The following NUP98 variants were observed in gnomAD, a reference collection of about 807,000 sequenced individuals.
The protein encoded by NUP98 is nucleoporin 98 and 96 precursor.
A neutral mutation model predicts 191.9 loss-of-function variants in NUP98; 26 were observed. That is an observed-to-expected ratio of 0.14 (90% CI 0.10 to 0.19). The LOEUF is 0.19. Ranked by LOEUF, NUP98 falls within the 10% of genes least tolerant of loss-of-function variation. NUP98 has a pLI of 1.00. For synonymous variants in NUP98, 808 were observed against 778.4 expected (o/e 1.04, Z -0.63); for missense variants, 1,941 against 2,178.8 (o/e 0.89, Z 2.17).
intron 28 of NUP98, among the ~76,000 whole-genome samples, chr11:3,686,918 C>G (rs963766103): frequency 5.9e-5 from 9 of 151,992 alleles, no homozygotes; most frequent in African/African-American, 2.2e-4. Context: ...ACCCAGGAGG[C>G]GGAGGTTGTG....
At chr11:3,692,975 G>C in intron 27 of NUP98, 1 of 371,056 alleles carries the variant, frequency 2.7e-6, no homozygotes, top group Non-Finnish European at 4.8e-6. Context: ...CTGTATAACA[G>C]GGAATTCCCA....
At chr11:3,739,527 G>C (rs1176365468) in intron 12 of NUP98, among the ~76,000 whole-genome samples, 1 of 152,124 alleles carries the variant, frequency 6.6e-6, no homozygotes, top group Non-Finnish European at 1.5e-5. Flanking sequence ...GATTACAGGC[G>C]TGAGGCACCG....
intron 1 of NUP98, among the ~76,000 whole-genome samples, chr11:3,793,273 G>A (rs537556109): frequency 2.2e-4 from 34 of 152,186 alleles, no homozygotes; most frequent in African/African-American, 6.5e-4. Flanking sequence ...ATGTCAGAAT[G>A]CAAAGACTGG....
chr11:3,794,946 T>C (rs2082478558), intron 1 of NUP98, among the ~76,000 whole-genome samples: 1 of 152,198 alleles, frequency 6.6e-6, no homozygotes, highest in Admixed American at 6.6e-5. Context: ...GTTTCTTAGT[T>C]CCCTAACCTT....
In NUP98 at chr11:3,702,886, C is replaced by A. The variant is rs753138279; in HGVS notation, c.3089G>T (p.Gly1030Val). Residue 1030 changes from glycine to valine, a missense_variant, in exon 23 of 33, where the codon GGG becomes GTG. Around this residue, in one of 6 missense-constraint regions of NUP98, gnomAD observed 1,030 missense variants for 1,115.8 expected, o/e 0.92. Coordinates refer to ENST00000324932, the MANE Select transcript of NUP98 (RefSeq NM_016320.5). Reference protein sequence around the residue: ...HSSKTRSLVGGLLQSKFTSGA... With the variant: ...HSSKTRSLVGVLLQSKFTSGA... ...ACTTGTAAATTTTGATTGTAGTAAC[C>A]CACCAACTGAAATGAAGCGGGAATG... The A allele has an allele frequency of 1.9e-6, 3 of 1,603,510 alleles. No individual in the cohort carries two copies. The Admixed American group carries it at 5.1e-5, about 27-fold the overall frequency.
chr11:3,794,275 A>T (rs2082454011), intron 1 of NUP98, among the ~76,000 whole-genome samples: 1 of 152,190 alleles, frequency 6.6e-6, no homozygotes, highest in South Asian at 2.1e-4. Context: ...CCAAGTTCTC[A>T]GGAAATGTTT....
intron 7 of NUP98, among the ~76,000 whole-genome samples, chr11:3,771,537 T>C (rs2081532091): frequency 6.6e-6 from 1 of 152,184 alleles, no homozygotes; most frequent in East Asian, 1.9e-4. Context: ...TGCTCAAACA[T>C]CACCTTCTCC....
At position 3,700,596 on chromosome 11, in the gene NUP98, T is replaced by C. The variant is rs767970809; in HGVS notation, c.3742+14A>G. On this transcript the variant is annotated intron_variant, in intron 24 of 32. Coordinates refer to ENST00000324932, the MANE Select transcript of NUP98 (RefSeq NM_016320.5). ...ATTGGGACATCAAACATTAGAAACA[T>C]AGTGTGTACTCACTTTGTGCTTCTG... 1 of 1,539,608 alleles carries C rather than the reference T, an allele frequency of 6.5e-7. No individual in the cohort carries two copies.
chr11:3,703,241 G>A (rs1441206543), intron 22 of NUP98, among the ~76,000 whole-genome samples: 1 of 142,752 alleles, frequency 7.0e-6, no homozygotes, highest in Non-Finnish European at 1.5e-5. Context: ...TTTGGAGACA[G>A]AGTCTCGCCC....
intron 1 of NUP98, among the ~76,000 whole-genome samples, chr11:3,791,249 C>G (rs1323242353): frequency 6.6e-6 from 1 of 151,964 alleles, no homozygotes; most frequent in Non-Finnish European, 1.5e-5. Flanking sequence ...AGATTTGGTA[C>G]TGGCTGGGCA....
chr11:3,789,326 A>G (rs1481136371), intron 1 of NUP98, among the ~76,000 whole-genome samples: 1 of 152,190 alleles, frequency 6.6e-6, no homozygotes, highest in Non-Finnish European at 1.5e-5. Context: ...AGTGTCATCC[A>G]CTGATCACTC....
At chr11:3,730,524 C>A in intron 14 of NUP98, among the ~76,000 whole-genome samples, 1 of 151,874 alleles carries the variant, frequency 6.6e-6, no homozygotes, top group Non-Finnish European at 1.5e-5. Context: ...GCAGCCATGC[C>A]CAGCTAATTT....
intron 14 of NUP98, among the ~76,000 whole-genome samples, chr11:3,725,618 T>A (rs975611338): frequency 2.0e-5 from 3 of 152,220 alleles, no homozygotes; most frequent in African/African-American, 7.2e-5. Context: ...TGTCTCACCA[T>A]AGAACTCATA....
At chr11:3,706,953 C>G (rs1402656852) in intron 20 of NUP98, among the ~76,000 whole-genome samples, 3 of 152,174 alleles carry the variant, frequency 2.0e-5, no homozygotes, top group African/African-American at 7.2e-5. Flanking sequence ...TAGCTAGCAA[C>G]TACAATTTTC....
chr11:3,739,977 C>T (rs568893565), intron 12 of NUP98, among the ~76,000 whole-genome samples: 3 of 152,216 alleles, frequency 2.0e-5, no homozygotes, highest in East Asian at 1.9e-4. Context: ...GAATATAGTA[C>T]GTACTACATA....
At chr11:3,685,304 G>A (rs1462872531) in intron 29 of NUP98, among the ~76,000 whole-genome samples, 6 of 152,166 alleles carry the variant, frequency 3.9e-5, no homozygotes, top group Admixed American at 1.3e-4. Flanking sequence ...CTAAGCACAA[G>A]GCTGTGTTAA....
intron 1 of NUP98, among the ~76,000 whole-genome samples, chr11:3,787,547 T>C (rs2082185193): frequency 6.6e-6 from 1 of 151,166 alleles, no homozygotes; most frequent in African/African-American, 2.4e-5. Flanking sequence ...CATTCCAGCC[T>C]GGGTAACAGA....
intron 8 of NUP98, among the ~76,000 whole-genome samples, chr11:3,766,172 C>T (rs1209995659): frequency 1.3e-5 from 2 of 152,078 alleles, no homozygotes; most frequent in Admixed American, 1.3e-4. Context: ...CCCAGAAGCT[C>T]GAGACCAGCC....
At chr11:3,730,010 G>C (rs1047086756) in intron 14 of NUP98, among the ~76,000 whole-genome samples, 4 of 152,060 alleles carry the variant, frequency 2.6e-5, no homozygotes, top group African/African-American at 9.7e-5. Context: ...GGGAGTCTGA[G>C]GCAGGTGAAT....
Sources: gnomAD v4.1 joint callset for allele counts (sites outside exome capture counted in the v4.1 genomes callset) on GRCh38, gnomAD v4.1.1 for gene constraint, gnomAD v4.1.1 regional missense constraint, MANE v1.5 for transcripts, NCBI Gene and HGNC (gene_info 2026-07-23, HGNC 2026-07-21) for gene names.